The following RASGRF1 variants were observed in gnomAD, a reference collection of about 807,000 sequenced individuals.
The protein encoded by RASGRF1 is ras-specific guanine nucleotide-releasing factor 1.
In RASGRF1, 40 loss-of-function variants were observed where a neutral mutation model predicts 138.7. The ratio of observed to expected loss-of-function variants is 0.29; its 90% CI spans 0.22 to 0.38. The LOEUF (loss-of-function observed/expected upper bound fraction) is 0.38, where lower values mean the gene tolerates loss of function less well. Among genes scored for constraint, RASGRF1 ranks in the 10% least tolerant of loss-of-function variants. The pLI is 1.00. For missense variants in RASGRF1, 1,108 were observed against 1,650.4 expected, an observed-to-expected ratio of 0.67 and a Z score of 5.69; for synonymous variants, 614 against 663.2, an observed-to-expected ratio of 0.93 and a Z score of 1.14.
chr15:78,978,124 T>C (rs2055911429), intron 24 of RASGRF1, among the ~76,000 whole-genome samples: 2 of 152,008 alleles, frequency 1.3e-5, no homozygotes, highest in East Asian at 3.9e-4. Flanking sequence ...TGTTTGGTGG[T>C]GAAGTCTCGG....
At chr15:79,015,044 C>T (rs760501862) in intron 13 of RASGRF1, among the ~76,000 whole-genome samples, 2 of 151,916 alleles carry the variant, frequency 1.3e-5, no homozygotes, top group Non-Finnish European at 2.9e-5. Context: ...CACAAACCAC[C>T]ACTAAAGAAC....
chr15:78,994,135 T>C (rs2056339952), intron 20 of RASGRF1, among the ~76,000 whole-genome samples: 1 of 152,020 alleles, frequency 6.6e-6, no homozygotes, highest in South Asian at 2.1e-4. Flanking sequence ...AGGAGCAGAG[T>C]GCAGTCGGCT....
chr15:79,006,262 C>A lies in RASGRF1; in HGVS notation c.1999G>T (p.Val667Phe). The change falls in exon 14 of 27, where the codon GTC becomes TTC. Residue 667 changes from valine (V) to phenylalanine (F), a missense_variant. Physicochemically the swap from Val to Phe is conservative, Grantham distance 50 (BLOSUM62 -1). Transcript: ENST00000558480. This position sits in a 1 kb window ranked among gnomAD's most constrained non-coding sequence, Gnocchi z 4.0. Reference protein sequence around the residue: ...FLNTFLHSYRVFTTAIVVLDK... With the variant: ...FLNTFLHSYRFFTTAIVVLDK... ...AGGACCACGATGGCGGTGGTGAAGACGCGGTAGGAGTGCAGGAAGGTGTTG... is the reference window on the plus strand; with the variant it reads ...AGGACCACGATGGCGGTGGTGAAGAAGCGGTAGGAGTGCAGGAAGGTGTTG... 6.2e-7 allele frequency: 1 copy of A among 1,614,120 alleles called. No homozygotes were observed. Among genetic ancestry groups the A allele is most frequent in the Non-Finnish European group, 8.5e-7 (1 of 1,180,032 alleles).
intron 24 of RASGRF1, among the ~76,000 whole-genome samples, chr15:78,974,987 G>A (rs28758422): frequency 6.6e-6 from 1 of 152,068 alleles, no homozygotes; most frequent in African/African-American, 2.4e-5. Flanking sequence ...AGGAGGCAGA[G>A]GCCTGGCGTT....
chr15:78,978,882 C>G lies in RASGRF1; in HGVS notation c.3494+1738G>C, dbSNP rs572266426. The G allele has an allele frequency of 3.1e-5, 38 of 1,224,392 alleles. No individual in the cohort carries two copies. In the East Asian group the frequency reaches 2.1e-3, roughly 68 times the overall value. The allele number at this position is 1,224,392 out of a possible 1,614,324, so 75.8% of individuals were successfully genotyped here. On this transcript the variant is annotated intron_variant, in intron 24 of 26. Coordinates refer to ENST00000558480, the MANE Select transcript of RASGRF1 (RefSeq NM_001145648.3). Reference sequence around the variant, plus strand: ...GCTTCCAGAGGCCCGCAGGCCACCTCTGCCCTGTGCTGCAGGGAGCAGGGG... The same window carrying G: ...GCTTCCAGAGGCCCGCAGGCCACCTGTGCCCTGTGCTGCAGGGAGCAGGGG...
At chr15:78,980,959 C>G (rs1244230509) in intron 23 of RASGRF1, 1 of 337,742 alleles carries the variant, frequency 3.0e-6, no homozygotes, top group African/African-American at 2.1e-5. Flanking sequence ...GTGGATTTGG[C>G]CCTTGGAAAT....
At chr15:79,049,365 T>C (rs949518138) in intron 4 of RASGRF1, 131 bp downstream of exon 4, 3 of 807,870 alleles carry the variant, frequency 3.7e-6, no homozygotes, top group Non-Finnish European at 6.1e-6. Flanking sequence ...GGCTCTGTCT[T>C]TGGAGCTGAG....
chr15:79,077,524 T>C (rs2057850911), intron 1 of RASGRF1, among the ~76,000 whole-genome samples: 1 of 152,116 alleles, frequency 6.6e-6, no homozygotes, highest in Admixed American at 6.5e-5. Flanking sequence ...CCTGCACACA[T>C]ACACACAACG....
At chr15:79,048,774 C>T (rs1036477422) in intron 4 of RASGRF1, among the ~76,000 whole-genome samples, 3 of 152,210 alleles carry the variant, frequency 2.0e-5, no homozygotes, top group African/African-American at 7.2e-5. Flanking sequence ...TGCCAGTTTG[C>T]AGTTTCTAGG....
intron 7 of RASGRF1, among the ~76,000 whole-genome samples, chr15:79,031,835 T>C (rs2057143533): frequency 6.6e-6 from 1 of 151,978 alleles, no homozygotes; most frequent in African/African-American, 2.4e-5. Flanking sequence ...GGCTGCCCTT[T>C]GGTCACAGAC....
In RASGRF1 at chr15:78,971,909, C is replaced by A; in HGVS notation, c.3638G>T (p.Arg1213Leu). The A allele has an allele frequency of 6.3e-7, 1 of 1,588,852 alleles. No individual in the cohort carries two copies. The highest frequency in any genetic ancestry group is 1.1e-5 in the South Asian group (1 of 90,482). The change falls in exon 26 of 27, where the codon CGC becomes CTC. Residue 1213 changes from arginine (R) to leucine (L), a missense_variant. This residue lies in a region of RASGRF1 where 686 missense variants were observed against 976.7 expected (regional missense o/e 0.70). Transcript: ENST00000558480. Reference protein sequence around the residue: ...RMISHIIREIRQFQQTAYKIE... With the variant: ...RMISHIIREILQFQQTAYKIE... ...TTTGTAGGCAGTTTGTTGAAACTGGCGAATCTCTCGGATAATATGGGATAT... is the reference window on the plus strand; with the variant it reads ...TTTGTAGGCAGTTTGTTGAAACTGGAGAATCTCTCGGATAATATGGGATAT...
chr15:79,005,220 G>C, intron 14 of RASGRF1: 1 of 985,580 alleles, frequency 1.0e-6, no homozygotes, highest in African/African-American at 1.7e-5. Context: ...GGGAACAGAA[G>C]AGGGAACGGG....
intron 1 of RASGRF1, 180 bp from the exon 2 acceptor site, chr15:79,064,706 G>T: frequency 1.6e-6 from 1 of 625,236 alleles, no homozygotes; most frequent in Non-Finnish European, 2.8e-6. Flanking sequence ...GATTAAAAGG[G>T]CTTTTGTATC....
intron 17 of RASGRF1, among the ~76,000 whole-genome samples, chr15:78,999,053 A>G (rs7170392): frequency 0.15 from 22,175 of 152,096 alleles, 1,673 homozygotes; most frequent in Admixed American, 0.16. Flanking sequence ...AGACCTCTCC[A>G]TCTTTCAAGA....
chr15:78,968,254 G>GTA (rs1433022049), intron 26 of RASGRF1, among the ~76,000 whole-genome samples: 3 of 130,444 alleles, frequency 2.3e-5, no homozygotes, highest in African/African-American at 5.2e-5. Flanking sequence ...ACACTGATGT[G>GTA]TGTGTGTGTG....
chr15:78,995,087 C>T (rs1201248942), intron 20 of RASGRF1, among the ~76,000 whole-genome samples: 1 of 151,876 alleles, frequency 6.6e-6, no homozygotes, highest in Non-Finnish European at 1.5e-5. Context: ...GCCACCATGC[C>T]CGGGTAATTT....
At chr15:79,016,588 C>T (rs181162131) in intron 12 of RASGRF1, among the ~76,000 whole-genome samples, 21 of 152,334 alleles carry the variant, frequency 1.4e-4, no homozygotes, top group Admixed American at 2.6e-4. Context: ...AGGCCTTTGA[C>T]GGCTGCGGCT....
At position 78,989,970 on chromosome 15, in the gene RASGRF1, C is replaced by T. The variant is rs1483286999; in HGVS notation, c.3216+219G>A. ...GTCTTTAGATGACCACGCAGTTAAT[C>T]CTCCTATGACTGTTCCATGGTCAGC... On this transcript the variant is annotated intron_variant, in intron 22 of 26. Coordinates refer to ENST00000558480, the MANE Select transcript of RASGRF1 (RefSeq NM_001145648.3). The T allele has an allele frequency of 5.4e-6, 3 of 554,472 alleles. No individual in the cohort carries two copies. The Admixed American group carries it at 9.5e-5, about 18-fold the overall frequency. The allele number at this position is 554,472 out of a possible 1,614,324, so 34.3% of individuals were successfully genotyped here. A position where few individuals can be genotyped will look rare whatever the true frequency, so the allele number is the denominator to read the frequency against.
chr15:78,989,590 C>G (rs530119279), intron 22 of RASGRF1, among the ~76,000 whole-genome samples: 2 of 152,168 alleles, frequency 1.3e-5, no homozygotes, highest in East Asian at 3.9e-4. Context: ...TTAGTGTTAT[C>G]CCAAAAGACC....
Sources: allele counts gnomAD v4.1 joint callset (sites outside exome capture counted in the v4.1 genomes callset), GRCh38; gene constraint gnomAD v4.1.1; regional missense constraint gnomAD v4.1.1; non-coding constraint Gnocchi (gnomAD v3.1); transcripts MANE v1.5; gene names NCBI Gene and HGNC (gene_info 2026-07-23, HGNC 2026-07-21).